The following MGAT4C variants were observed in gnomAD, a reference collection of about 807,000 sequenced individuals.
MGAT4C encodes the protein alpha-1,3-mannosyl-glycoprotein 4-beta-N-acetylglucosaminyltransferase C.
A neutral mutation model predicts 40.1 loss-of-function variants in MGAT4C; 19 were observed. The observed-to-expected ratio is 0.47, with a 90% CI of 0.33 to 0.70. The LOEUF (loss-of-function observed/expected upper bound fraction) is 0.70, where lower values mean the gene tolerates loss of function less well. Ranked by LOEUF, MGAT4C falls within the 30% of genes least tolerant of loss-of-function variation. The probability of loss-of-function intolerance (pLI) is 0.02; values close to 1 mark genes in which losing one functional copy is unlikely to be tolerated. For missense variants in MGAT4C, 491 were observed against 563.2 expected (o/e 0.87, Z 1.30); for synonymous variants, 181 against 187.1 (o/e 0.97, Z 0.27).
At chr12:86,826,466 T>C (rs1435890267) in intron 1 of MGAT4C, among the ~76,000 whole-genome samples, 3 of 151,500 alleles carry the variant, frequency 2.0e-5, no homozygotes, top group Non-Finnish European at 4.4e-5. Context: ...TTAAAGTTAA[T>C]TTAAAAATTA....
chr12:86,303,863 C>T (rs1953872499), intron 4 of MGAT4C, among the ~76,000 whole-genome samples: 1 of 150,438 alleles, frequency 6.6e-6, no homozygotes, highest in African/African-American at 2.5e-5. Flanking sequence ...AAGCCAATGT[C>T]TTTCTCTCTC....
intron 2 of MGAT4C, among the ~76,000 whole-genome samples, chr12:86,570,260 A>G (rs972445102): frequency 6.6e-6 from 1 of 152,006 alleles, no homozygotes; most frequent in Non-Finnish European, 1.5e-5. Flanking sequence ...GTCATTTGAC[A>G]ATGTATACAT....
At chr12:86,763,169 A>T (rs1951436003) in intron 1 of MGAT4C, among the ~76,000 whole-genome samples, 1 of 152,192 alleles carries the variant, frequency 6.6e-6, no homozygotes, top group Non-Finnish European at 1.5e-5. Flanking sequence ...AAAAATGTTA[A>T]GTGTGACTCA....
chr12:86,380,329 T>C (rs1955905075), intron 3 of MGAT4C, among the ~76,000 whole-genome samples: 1 of 152,188 alleles, frequency 6.6e-6, no homozygotes, highest in African/African-American at 2.4e-5. Context: ...AGCTTCTCTT[T>C]CTTTTGGTTA....
chr12:86,131,400 A>G (rs1484000340), intron 1 of MGAT4C, among the ~76,000 whole-genome samples: 1 of 152,052 alleles, frequency 6.6e-6, no homozygotes, highest in Non-Finnish European at 1.5e-5. Context: ...AATTTCATAT[A>G]CTCATATTTG....
At chr12:86,238,866 T>C (rs1951659522) in intron 1 of MGAT4C, among the ~76,000 whole-genome samples, 2 of 151,928 alleles carry the variant, frequency 1.3e-5, no homozygotes. Context: ...GCCTAAAGTG[T>C]TCATTTCTAG....
At chr12:86,107,445 A>G (rs1305667562) in intron 1 of MGAT4C, among the ~76,000 whole-genome samples, 1 of 152,170 alleles carries the variant, frequency 6.6e-6, no homozygotes, top group East Asian at 1.9e-4. Context: ...GAATAAGGGT[A>G]AATCAGTTAT....
intron 1 of MGAT4C, among the ~76,000 whole-genome samples, chr12:86,767,394 T>C (rs969337870): frequency 2.6e-5 from 4 of 151,526 alleles, no homozygotes; most frequent in African/African-American, 9.7e-5. Context: ...CCAAAAAGAG[T>C]CCAGGACCAG....
chr12:86,710,043 G>C (rs1011821500), intron 2 of MGAT4C, among the ~76,000 whole-genome samples: 1 of 152,026 alleles, frequency 6.6e-6, no homozygotes, highest in African/African-American at 2.4e-5. Flanking sequence ...TTATTTTTAT[G>C]ATGGAATAAA....
intron 2 of MGAT4C, among the ~76,000 whole-genome samples, chr12:86,507,092 GTTA>G (rs1958484456): frequency 1.3e-5 from 2 of 152,092 alleles, no homozygotes; most frequent in Non-Finnish European, 2.9e-5. Flanking sequence ...TATTTTTAAA[GTTA>G]TTATGGCAAA....
intron 1 of MGAT4C, among the ~76,000 whole-genome samples, chr12:86,815,850 A>G (rs1300286699): frequency 1.5e-5 from 2 of 136,270 alleles, no homozygotes; most frequent in Admixed American, 7.5e-5. Flanking sequence ...CTTGGGGGGA[A>G]GAGTGGTGGG....
At chr12:86,567,323 G>GA (rs1352272035) in intron 2 of MGAT4C, among the ~76,000 whole-genome samples, 6 of 152,072 alleles carry the variant, frequency 3.9e-5, no homozygotes, top group Admixed American at 3.9e-4. Context: ...CTGACACCAG[G>GA]AGACACAACA....
intron 4 of MGAT4C, among the ~76,000 whole-genome samples, chr12:86,281,405 T>C (rs751316448): frequency 1.9e-4 from 29 of 152,216 alleles, no homozygotes; most frequent in South Asian, 4.1e-4. Flanking sequence ...TGTTTCCCTA[T>C]ATACATAGAT....
intron 1 of MGAT4C, among the ~76,000 whole-genome samples, chr12:86,764,803 G>GCA: frequency 6.6e-6 from 1 of 152,148 alleles, no homozygotes; most frequent in East Asian, 1.9e-4. Context: ...GCAGCTGACG[G>GCA]TCCTGTCTGT....
rs568658685 is a variant in MGAT4C at position 86,505,207 on chromosome 12, G to GA, written c.-228-69943dup. ...GCTTCATGACTACTCTCAATTGTTT[G>GA]AAAAAAAAAATCCTGGCTAGATATT... is the stretch of plus-strand genomic sequence containing the variant. On this transcript the variant is annotated intron_variant, in intron 2 of 7. Transcript: ENST00000548651. Among the ~76,000 whole-genome samples the GA allele has an allele frequency of 2.8e-3, 413 of 148,578 alleles. 10 individuals carry two copies. In the South Asian group the frequency reaches 0.053, roughly 19 times the overall value.
intron 1 of MGAT4C, among the ~76,000 whole-genome samples, chr12:86,764,373 G>A (rs904914503): frequency 2.0e-5 from 3 of 152,242 alleles, no homozygotes; most frequent in South Asian, 4.1e-4. Flanking sequence ...GCTCGAACTG[G>A]GTGGAGCCCA....
At chr12:86,625,757 A>G (rs1327726274) in intron 2 of MGAT4C, among the ~76,000 whole-genome samples, 2 of 152,180 alleles carry the variant, frequency 1.3e-5, no homozygotes, top group African/African-American at 4.8e-5. Context: ...ACAATGAATT[A>G]TATCTACTGA....
chr12:86,354,460 C>A (rs1393152371), intron 3 of MGAT4C, among the ~76,000 whole-genome samples: 3 of 151,996 alleles, frequency 2.0e-5, no homozygotes, highest in Non-Finnish European at 4.4e-5. Flanking sequence ...GACTTTAAAG[C>A]AGATATTATA....
intron 1 of MGAT4C, among the ~76,000 whole-genome samples, chr12:86,802,470 T>C (rs1388912560): frequency 6.6e-6 from 1 of 152,038 alleles, no homozygotes; most frequent in Non-Finnish European, 1.5e-5. Flanking sequence ...TCACTAATTA[T>C]TTCAAGCATT....
Sources: gnomAD v4.1 joint callset for allele counts (sites outside exome capture counted in the v4.1 genomes callset) on GRCh38, gnomAD v4.1.1 for gene constraint, MANE v1.5 for transcripts, NCBI Gene and HGNC (gene_info 2026-07-23, HGNC 2026-07-21) for gene names.